The following FA2H variants were observed in gnomAD, a reference collection of about 807,000 sequenced individuals.
FA2H encodes the protein fatty acid 2-hydroxylase, also known as fatty acid alpha-hydroxylase.
FA2H carries 22 observed loss-of-function variants against 44.9 expected under a neutral mutation model. That is an observed-to-expected ratio of 0.49 (90% CI 0.35 to 0.70). FA2H has a LOEUF of 0.70. Among genes scored for constraint, FA2H ranks in the 30% least tolerant of loss-of-function variants. FA2H has a pLI of 0.01. For synonymous variants in FA2H, 243 were observed against 213.2 expected, an observed-to-expected ratio of 1.14 and a Z score of -1.22; for missense variants, 501 against 504.9, an observed-to-expected ratio of 0.99 and a Z score of 0.07.
At chr16:74,772,327 C>T (rs927306311) in intron 1 of FA2H, among the ~76,000 whole-genome samples, 11 of 152,232 alleles carry the variant, frequency 7.2e-5, no homozygotes, top group African/African-American at 2.4e-4. Context: ...GTGTCAATGT[C>T]GCTTTCTCAA....
intron 5 of FA2H, chr16:74,716,803 A>T: frequency 1.5e-5 from 6 of 408,408 alleles, no homozygotes; most frequent in Admixed American, 7.3e-5. Flanking sequence ...TTTGTGAGCC[A>T]GGAAGGGACC....
intron 2 of FA2H, among the ~76,000 whole-genome samples, chr16:74,729,881 G>A (rs749417843): frequency 1.3e-5 from 2 of 152,050 alleles, no homozygotes; most frequent in African/African-American, 4.8e-5. Flanking sequence ...TCTTCAGCAC[G>A]GGGAGTCAGG....
At chr16:74,724,394 C>T (rs1170915677) in intron 4 of FA2H, among the ~76,000 whole-genome samples, 4 of 152,224 alleles carry the variant, frequency 2.6e-5, no homozygotes, top group Admixed American at 1.3e-4. Context: ...CAGCGCCGCC[C>T]CCTTTCCCCC....
chr16:74,759,928 G>C (rs758997036), intron 1 of FA2H, among the ~76,000 whole-genome samples: 2 of 152,140 alleles, frequency 1.3e-5, no homozygotes, highest in Non-Finnish European at 2.9e-5. Flanking sequence ...TTTTAGGAAG[G>C]AGGTGAGGAT....
Position 74,719,159 on chromosome 16 carries a change from C to T in FA2H, c.615G>A (p.Glu205=). The part of the protein sequence containing the change: ...NVRLFTSFTT[E]YTVAVPKSMF... ...TGGACTTGGGCACTGCCACCGTGTA[C>T]TCTGCAGGGTGGCAGGGAGAGCGAG... Residue 205 remains glutamate, a splice_region_variant and synonymous_variant, in exon 5 of 7, where the codon GAG becomes GAA. Coordinates refer to ENST00000219368, the MANE Select transcript of FA2H (RefSeq NM_024306.5). 6.2e-7 allele frequency: 1 copy of T among 1,612,892 alleles called. No homozygotes were observed. Among genetic ancestry groups the T allele is most frequent in the Non-Finnish European group, 8.5e-7 (1 of 1,179,832 alleles).
At chr16:74,766,311 A>T (rs912420617) in intron 1 of FA2H, among the ~76,000 whole-genome samples, 3 of 151,844 alleles carry the variant, frequency 2.0e-5, no homozygotes, top group Non-Finnish European at 4.4e-5. Context: ...GTCTCAATAA[A>T]AAAAAAAAAA....
intron 6 of FA2H, among the ~76,000 whole-genome samples, chr16:74,716,097 G>A (rs1016073006): frequency 9.2e-5 from 14 of 152,106 alleles, no homozygotes; most frequent in African/African-American, 3.4e-4. Flanking sequence ...TGGGATTACA[G>A]GTGTGAGCCA....
chr16:74,722,438 A>C (rs537825759), intron 4 of FA2H, among the ~76,000 whole-genome samples: 1 of 152,306 alleles, frequency 6.6e-6, no homozygotes, highest in South Asian at 2.1e-4. Context: ...GAGGAGGCTG[A>C]GGCAGGGGGA....
At chr16:74,760,281 A>G (rs557025847) in intron 1 of FA2H, among the ~76,000 whole-genome samples, 71 of 152,268 alleles carry the variant, frequency 4.7e-4, no homozygotes, top group Non-Finnish European at 8.8e-4. Flanking sequence ...AATCATTATT[A>G]TTTCAGGTTT....
At chr16:74,748,923 G>A (rs1434312520) in intron 1 of FA2H, among the ~76,000 whole-genome samples, 1 of 152,182 alleles carries the variant, frequency 6.6e-6, no homozygotes, top group African/African-American at 2.4e-5. Context: ...TCGGGCCTTG[G>A]GTCCAGCTGC....
chr16:74,714,094 G>A lies in FA2H; in HGVS notation c.*96C>T. ...GGGCCGGACACAGCCCATCCTGCCT[G>A]GCCAAGCCAACCTTCTTAATGGGGT... On this transcript the variant is annotated 3_prime_UTR_variant, in exon 7 of 7. Coordinates refer to ENST00000219368, the MANE Select transcript of FA2H (RefSeq NM_024306.5). The A allele has an allele frequency of 1.3e-6, 1 of 797,866 alleles. No individual in the cohort carries two copies. The highest frequency in any genetic ancestry group is 2.1e-6 in the Non-Finnish European group (1 of 474,734). 49.4% of individuals were successfully genotyped at this position (797,866 alleles called of 1,614,324 possible).
At chr16:74,743,426 G>A (rs1962351980) in intron 1 of FA2H, among the ~76,000 whole-genome samples, 1 of 152,232 alleles carries the variant, frequency 6.6e-6, no homozygotes, top group Admixed American at 6.5e-5. Context: ...GTGACATGAA[G>A]AAACCGGAGG....
chr16:74,721,447 A>T (rs1859398), intron 4 of FA2H, among the ~76,000 whole-genome samples: 126,644 of 152,158 alleles, frequency 0.83, 52,793 homozygotes, highest in Middle Eastern at 0.9. Flanking sequence ...GGATTACAGG[A>T]GTGAGCCATC....
At chr16:74,732,590 C>T (rs528246157) in intron 2 of FA2H, among the ~76,000 whole-genome samples, 1 of 152,134 alleles carries the variant, frequency 6.6e-6, no homozygotes. Flanking sequence ...GCATGCACCA[C>T]CATGCCTGGC....
At chr16:74,742,196 A>G (rs553299672) in intron 1 of FA2H, among the ~76,000 whole-genome samples, 1 of 152,300 alleles carries the variant, frequency 6.6e-6, no homozygotes, top group South Asian at 2.1e-4. Flanking sequence ...AACGTCTTCC[A>G]AGACTCCTGC....
intron 1 of FA2H, among the ~76,000 whole-genome samples, chr16:74,768,978 C>T (rs1962856850): frequency 6.6e-6 from 1 of 152,044 alleles, no homozygotes. Flanking sequence ...AGATATCTGC[C>T]AACGGTAGGA....
At chr16:74,715,340 G>T (rs144309410) in intron 6 of FA2H, among the ~76,000 whole-genome samples, 134 of 152,202 alleles carry the variant, frequency 8.8e-4, no homozygotes, top group African/African-American at 3.0e-3. Context: ...CACCCAGGCT[G>T]GGGTGCAGTG....
chr16:74,740,865 G>A (rs1962282807), intron 1 of FA2H, among the ~76,000 whole-genome samples: 1 of 152,036 alleles, frequency 6.6e-6, no homozygotes, highest in Non-Finnish European at 1.5e-5. Flanking sequence ...GGGGCTCACA[G>A]GGCCACACTG....
At chr16:74,750,750 CT>C (rs2144647732) in intron 1 of FA2H, among the ~76,000 whole-genome samples, 1 of 59,882 alleles carries the variant, frequency 1.7e-5, no homozygotes, top group Admixed American at 1.3e-4. Context: ...CCTATGTCCT[CT>C]TTTTTTTCAC....
Sources: allele counts gnomAD v4.1 joint callset (sites outside exome capture counted in the v4.1 genomes callset), GRCh38; gene constraint gnomAD v4.1.1; transcripts MANE v1.5; gene names NCBI Gene and HGNC (gene_info 2026-07-23, HGNC 2026-07-21).